Variants in SNX24 observed in about 807,000 individuals in gnomAD.
SNX24 encodes the protein sorting nexin 24, also known as sorting nexin-24.
Under a neutral mutation model 28.7 loss-of-function variants are expected in SNX24, and 22 were observed. The ratio of observed to expected loss-of-function variants is 0.77; its 90% confidence interval spans 0.55 to 1.10. The LOEUF is 1.10. SNX24 is among the 50% of genes least tolerant of loss of function. The pLI is 0.00. For synonymous variants in SNX24, 69 were observed against 71.5 expected (o/e 0.96, Z 0.18); for missense variants, 221 against 201.1 (o/e 1.10, Z -0.60).
At chr5:122,881,326 T>C (rs1238919771) in intron 1 of SNX24, among the ~76,000 whole-genome samples, 1 of 152,246 alleles carries the variant, frequency 6.6e-6, no homozygotes, top group Non-Finnish European at 1.5e-5. Flanking sequence ...GTATACTTAC[T>C]CAACTTTCAG....
chr5:123,014,855 C>A (rs939824049), intron 5 of SNX24, among the ~76,000 whole-genome samples: 1 of 152,210 alleles, frequency 6.6e-6, no homozygotes, highest in Non-Finnish European at 1.5e-5. Context: ...CAACCTTGGT[C>A]TCTCCACAAG....
intron 1 of SNX24, among the ~76,000 whole-genome samples, chr5:122,921,046 T>G (rs246269): frequency 6.6e-6 from 1 of 151,996 alleles, no homozygotes; most frequent in African/African-American, 2.4e-5. Context: ...TTTTTTTCTC[T>G]CAGCATTTTT....
At chr5:122,905,695 T>G (rs1308161721) in intron 1 of SNX24, among the ~76,000 whole-genome samples, 1 of 152,228 alleles carries the variant, frequency 6.6e-6, no homozygotes, top group East Asian at 1.9e-4. Flanking sequence ...CTGTCCAAAC[T>G]TCCTGAGCAC....
At chr5:123,018,551 G>A (rs529373097) in intron 5 of SNX24, among the ~76,000 whole-genome samples, 3 of 152,082 alleles carry the variant, frequency 2.0e-5, no homozygotes, top group Admixed American at 6.6e-5. Flanking sequence ...AGTTAATGGG[G>A]GTGGAAACGT....
At chr5:123,020,108 G>T (rs184924548) in intron 5 of SNX24, among the ~76,000 whole-genome samples, 1 of 152,182 alleles carries the variant, frequency 6.6e-6, no homozygotes, top group African/African-American at 2.4e-5. Context: ...CGCGTAAAGC[G>T]CATGTCCTTC....
chr5:122,959,314 TCTCTA>T (rs1267003004), intron 3 of SNX24, among the ~76,000 whole-genome samples: 22 of 151,124 alleles, frequency 1.5e-4, no homozygotes, highest in East Asian at 5.8e-4. Flanking sequence ...ATTCCATTTA[TCTCTA>T]CTCTAATCTT....
At chr5:122,867,703 A>C (rs1487533782) in intron 1 of SNX24, among the ~76,000 whole-genome samples, 1 of 152,142 alleles carries the variant, frequency 6.6e-6, no homozygotes, top group Non-Finnish European at 1.5e-5. Context: ...TTTTATTCAA[A>C]TCCTCATGAT....
At chr5:122,966,663 C>T (rs1469366661) in intron 3 of SNX24, among the ~76,000 whole-genome samples, 1 of 152,150 alleles carries the variant, frequency 6.6e-6, no homozygotes, top group Non-Finnish European at 1.5e-5. Context: ...GATGTGGATT[C>T]AGAGCCCTGA....
chr5:122,879,733 C>T (rs1309943793), intron 1 of SNX24, among the ~76,000 whole-genome samples: 1 of 152,200 alleles, frequency 6.6e-6, no homozygotes. Context: ...GTTGTCCAGG[C>T]TGGTCTTAAA....
At chr5:122,851,480 T>A (rs1000025420) in intron 1 of SNX24, among the ~76,000 whole-genome samples, 2 of 152,208 alleles carry the variant, frequency 1.3e-5, no homozygotes, top group Non-Finnish European at 2.9e-5. Context: ...GACTTCAGTT[T>A]TTATAGCTGT....
intron 1 of SNX24, among the ~76,000 whole-genome samples, chr5:122,915,731 T>C (rs942183163): frequency 6.6e-6 from 1 of 152,264 alleles, no homozygotes; most frequent in Non-Finnish European, 1.5e-5. Flanking sequence ...AGCTGGTCTT[T>C]AGTGTGGCCT....
chr5:122,900,428 A>T lies in SNX24; in HGVS notation c.61-36306A>T, dbSNP rs368489650. ...GGTCTGTGCATTGGAAATTAAATTC[A>T]AATTTTCATTCTATATGGCCATGTA... is the stretch of plus-strand genomic sequence containing the variant. On this transcript the variant is annotated intron_variant, in intron 1 of 6. Coordinates refer to ENST00000261369, the MANE Select transcript of SNX24 (RefSeq NM_014035.4). 2.0e-5 allele frequency among the ~76,000 whole-genome samples: 3 copies of T among 152,314 alleles called. No individual in the cohort carries two copies. The East Asian group carries it at 5.8e-4, about 29-fold the overall frequency.
intron 1 of SNX24, among the ~76,000 whole-genome samples, chr5:122,850,687 A>G (rs879373600): frequency 7.2e-5 from 11 of 151,846 alleles, no homozygotes; most frequent in Non-Finnish European, 1.2e-4. Flanking sequence ...TTGGGCACCC[A>G]CTGAGTTTTT....
At chr5:122,997,440 ACT>A (rs760722730) in intron 3 of SNX24, among the ~76,000 whole-genome samples, 2 of 152,078 alleles carry the variant, frequency 1.3e-5, no homozygotes, top group Non-Finnish European at 2.9e-5. Context: ...TGTTTGGAGA[ACT>A]CTGTTTGGGG....
chr5:122,936,714 C>T lies in SNX24; in HGVS notation c.61-20C>T. On this transcript the variant is annotated intron_variant, in intron 1 of 6. Transcript: ENST00000261369. Reference sequence around the variant, plus strand: ...AGGGTTTTGAACTAATATAATTAATCTTTTAAATTTTTTCCTCAGGTGTTT... The same window carrying T: ...AGGGTTTTGAACTAATATAATTAATTTTTTAAATTTTTTCCTCAGGTGTTT... 12 of 1,403,710 alleles carry T rather than the reference C, an allele frequency of 8.5e-6. No individual in the cohort carries two copies. Among genetic ancestry groups the T allele is most frequent in the Non-Finnish European group, 1.1e-5 (11 of 995,680 alleles). 87.0% of individuals were successfully genotyped at this position (1,403,710 alleles called of 1,614,324 possible). A position where few individuals can be genotyped will look rare whatever the true frequency, so the allele number is the denominator to read the frequency against.
At chr5:122,963,642 T>A (rs1490475858) in intron 3 of SNX24, among the ~76,000 whole-genome samples, 1 of 152,196 alleles carries the variant, frequency 6.6e-6, no homozygotes, top group African/African-American at 2.4e-5. Context: ...GATTAGTATT[T>A]TATCAGATTT....
chr5:122,997,646 A>G (rs1762097012), intron 3 of SNX24, among the ~76,000 whole-genome samples: 1 of 152,204 alleles, frequency 6.6e-6, no homozygotes, highest in African/African-American at 2.4e-5. Context: ...CTGAACACTC[A>G]AGAGATGTCT....
intron 3 of SNX24, among the ~76,000 whole-genome samples, chr5:122,995,236 A>G (rs1451960016): frequency 6.6e-6 from 1 of 152,184 alleles, no homozygotes; most frequent in Non-Finnish European, 1.5e-5. Flanking sequence ...TTTTGACAGT[A>G]CTTTCTTCTT....
At chr5:123,000,791 C>G (rs1035890281) in intron 4 of SNX24, among the ~76,000 whole-genome samples, 2 of 152,170 alleles carry the variant, frequency 1.3e-5, no homozygotes, top group African/African-American at 4.8e-5. Flanking sequence ...GGGAAAAAAT[C>G]ATCACAAACT....
Sources: gnomAD v4.1 joint callset for allele counts (sites outside exome capture counted in the v4.1 genomes callset) on GRCh38, gnomAD v4.1.1 for gene constraint, MANE v1.5 for transcripts, NCBI Gene and HGNC (gene_info 2026-07-23, HGNC 2026-07-21) for gene names.